The following STOX2 variants were observed in gnomAD, a reference collection of about 807,000 sequenced individuals.
STOX2 encodes the protein storkhead box 2, also known as storkhead-box protein 2.
STOX2 carries 28 observed loss-of-function variants against 60.9 expected under a neutral mutation model. That is an observed-to-expected ratio of 0.46 (90% CI 0.34 to 0.63). STOX2 has a LOEUF of 0.63. Ranked by LOEUF, STOX2 falls within the 30% of genes least tolerant of loss-of-function variation. The pLI, the probability that STOX2 is intolerant of heterozygous loss-of-function variation, is 0.01. For missense variants in STOX2, 1,024 were observed against 1,187.7 expected (o/e 0.86, Z 2.03); for synonymous variants, 472 against 463.9 (o/e 1.02, Z -0.22).
chr4:183,816,142 T>C (rs1739148354), intron 1 of STOX2, among the ~76,000 whole-genome samples: 1 of 152,204 alleles, frequency 6.6e-6, no homozygotes, highest in Non-Finnish European at 1.5e-5. Context: ...CATGAATGTA[T>C]ATTGTGAAGA....
intron 1 of STOX2, among the ~76,000 whole-genome samples, chr4:183,984,128 G>A (rs1157374320): frequency 6.6e-6 from 1 of 152,148 alleles, no homozygotes; most frequent in East Asian, 1.9e-4. Context: ...ATAGATTTAG[G>A]GTCTGCTGTT....
At chr4:183,858,605 G>A (rs1177176423) in intron 1 of STOX2, among the ~76,000 whole-genome samples, 1 of 152,086 alleles carries the variant, frequency 6.6e-6, no homozygotes, top group Non-Finnish European at 1.5e-5. Context: ...AAAGAAGGAA[G>A]GAAGGAAGGA....
intron 1 of STOX2, among the ~76,000 whole-genome samples, chr4:183,920,037 A>G (rs1742053400): frequency 6.6e-6 from 1 of 152,230 alleles, no homozygotes; most frequent in Admixed American, 6.5e-5. Flanking sequence ...AAAAAATTTC[A>G]GAAAACTGAG....
intron 1 of STOX2, among the ~76,000 whole-genome samples, chr4:183,931,719 G>T (rs1435335534): frequency 6.6e-6 from 1 of 152,130 alleles, no homozygotes; most frequent in Non-Finnish European, 1.5e-5. Context: ...TTATAAACTG[G>T]CATGCTGGGG....
intron 1 of STOX2, among the ~76,000 whole-genome samples, chr4:183,965,210 G>A (rs1743527771): frequency 6.6e-6 from 1 of 152,282 alleles, no homozygotes; most frequent in African/African-American, 2.4e-5. Context: ...AAGTGTGTAG[G>A]TTCAGGATAT....
intron 1 of STOX2, among the ~76,000 whole-genome samples, chr4:183,838,824 T>C (rs1050338530): frequency 5.3e-5 from 8 of 152,216 alleles, no homozygotes; most frequent in African/African-American, 1.9e-4. Context: ...TTGTTCTGCC[T>C]CCACCTCCTC....
intron 1 of STOX2, among the ~76,000 whole-genome samples, chr4:183,968,332 A>T (rs903861836): frequency 6.3e-5 from 9 of 141,966 alleles, no homozygotes; most frequent in African/African-American, 2.4e-4. Flanking sequence ...ACATGCACAC[A>T]TGCATATACC....
intron 3 of STOX2, among the ~76,000 whole-genome samples, chr4:184,012,740 G>A (rs985565708): frequency 6.6e-6 from 1 of 152,170 alleles, no homozygotes; most frequent in Admixed American, 6.5e-5. Flanking sequence ...CCCATCCCTC[G>A]AGGAGCCTCT....
At chr4:183,846,022 C>T (rs752624340) in intron 1 of STOX2, among the ~76,000 whole-genome samples, 6 of 152,146 alleles carry the variant, frequency 3.9e-5, no homozygotes, top group Non-Finnish European at 8.8e-5. Context: ...GAGTTTTTGT[C>T]TATCTTGGAA....
rs931982003 is a variant in STOX2, at chr4:184,009,533, G to T, written c.695G>T (p.Cys232Phe). Residue 232 changes from cysteine to phenylalanine, a missense_variant, in exon 3 of 4, where the codon TGC becomes TTC. Physicochemically the swap from Cys to Phe is radical, Grantham distance 205. Around this residue, in one of 3 missense-constraint regions of STOX2, gnomAD observed 922 missense variants for 1,058.3 expected, o/e 0.87. Transcript: ENST00000308497. The surrounding 1 kb of genome is among the most constrained non-coding windows in gnomAD (Gnocchi z 4.0). ...CKDPYCPPSL[C>F]QVPPTEKSKS... is the part of the protein sequence containing the mutation. ...GACCCTTACTGTCCCCCTTCTCTGT[G>T]CCAGGTGCCACCCACTGAAAAGAGC... is the stretch of plus-strand genomic sequence containing the variant. 1 of 1,614,018 alleles carries T rather than the reference G, an allele frequency of 6.2e-7. No homozygotes were observed. The highest frequency in any genetic ancestry group is 8.5e-7 in the Non-Finnish European group (1 of 1,179,882).
chr4:183,952,790 C>T (rs972665278), intron 1 of STOX2, among the ~76,000 whole-genome samples: 3 of 152,190 alleles, frequency 2.0e-5, no homozygotes, highest in African/African-American at 7.2e-5. Context: ...CCTACATATG[C>T]TCATGAGTGG....
chr4:183,899,465 A>G (rs370302413), intron 1 of STOX2, among the ~76,000 whole-genome samples: 1 of 152,338 alleles, frequency 6.6e-6, no homozygotes, highest in Admixed American at 6.5e-5. Context: ...TGCTACCCCA[A>G]TGAACACACG....
At chr4:183,969,828 C>T (rs1025559117) in intron 1 of STOX2, among the ~76,000 whole-genome samples, 1 of 152,200 alleles carries the variant, frequency 6.6e-6, no homozygotes, top group African/African-American at 2.4e-5. Context: ...CACTATATTG[C>T]TCAGGCTAGC....
At chr4:183,948,540 C>CTTTTTTTTTTTTTTTTTTTTTTT in intron 1 of STOX2, among the ~76,000 whole-genome samples, 1 of 78,182 alleles carries the variant, frequency 1.3e-5, no homozygotes, top group Non-Finnish European at 2.3e-5. Flanking sequence ...ATGCCTTATC[C>CTTTTTTTTTTTTTTTTTTTTTTT]TTTTTTTTTT....
In STOX2 at chr4:184,019,592, A is replaced by G. The variant is rs1734498490; in HGVS notation, c.*2308A>G. On this transcript the variant is annotated 3_prime_UTR_variant, in exon 4 of 4. Transcript: ENST00000308497. ...AGCTTTAAAATAGGAATTTATTGAT[A>G]TTTCACAAGATATAGGTTTACAGAA... The G allele has an allele frequency of 6.6e-6, 1 of 152,232 alleles. No individual in the cohort carries two copies. Among genetic ancestry groups the G allele is most frequent in the African/African-American group, 2.4e-5 (1 of 41,458 alleles). 9.4% of individuals were successfully genotyped at this position (152,232 alleles called of 1,614,324 possible).
At chr4:183,823,406 CA>C (rs1320847204) in intron 1 of STOX2, among the ~76,000 whole-genome samples, 1 of 152,118 alleles carries the variant, frequency 6.6e-6, no homozygotes, top group Non-Finnish European at 1.5e-5. Context: ...AAAAACAAAA[CA>C]AAAAACAAAC....
At chr4:183,887,838 G>A (rs1427540553) in intron 1 of STOX2, among the ~76,000 whole-genome samples, 1 of 152,228 alleles carries the variant, frequency 6.6e-6, no homozygotes, top group Non-Finnish European at 1.5e-5. Flanking sequence ...TGAGCTCGTA[G>A]GCTCAAGCTA....
chr4:183,933,011 C>T (rs928744817), intron 1 of STOX2, among the ~76,000 whole-genome samples: 4 of 152,140 alleles, frequency 2.6e-5, no homozygotes, highest in African/African-American at 7.2e-5. Flanking sequence ...ACGGAGTTGT[C>T]GAGAGGCAGA....
At chr4:183,972,693 C>T (rs1743779047) in intron 1 of STOX2, among the ~76,000 whole-genome samples, 1 of 152,116 alleles carries the variant, frequency 6.6e-6, no homozygotes, top group South Asian at 2.1e-4. Context: ...CAACATTGTC[C>T]TTAGGATTTA....
Sources: allele counts gnomAD v4.1 joint callset (sites outside exome capture counted in the v4.1 genomes callset), GRCh38; gene constraint gnomAD v4.1.1; regional missense constraint gnomAD v4.1.1; non-coding constraint Gnocchi (gnomAD v3.1); transcripts MANE v1.5; gene names NCBI Gene and HGNC (gene_info 2026-07-23, HGNC 2026-07-21).